SNTG2: variants seen among roughly 807,000 people sequenced by gnomAD.
SNTG2 encodes syntrophin gamma 2.
A neutral mutation model predicts 70.9 loss-of-function variants in SNTG2; 74 were observed. The ratio of observed to expected loss-of-function variants is 1.04; its 90% CI spans 0.86 to 1.27. The LOEUF (loss-of-function observed/expected upper bound fraction) is 1.27, where lower values mean the gene tolerates loss of function less well. Among genes scored for constraint, SNTG2 ranks in the 50% most tolerant of loss-of-function variants. The pLI is 0.00. For missense variants in SNTG2, 717 were observed against 690.7 expected (o/e 1.04, Z -0.43); for synonymous variants, 278 against 273.8 (o/e 1.02, Z -0.15).
rs575771358 is a variant in SNTG2 at position 1,219,957 on chromosome 2, A to G, written c.719+10727A>G. 3 of 152,350 alleles carry G rather than the reference A, an allele frequency of 2.0e-5. No individual in the cohort carries two copies. The South Asian group carries it at 6.2e-4, about 32-fold the overall frequency. 9.4% of individuals were successfully genotyped at this position (152,350 alleles called of 1,614,324 possible). ...TAATGGAAACAGACCTACTACAGATAAGCAGATTTTGAAAAGTGATACTGC... is the reference window on the plus strand; with the variant it reads ...TAATGGAAACAGACCTACTACAGATGAGCAGATTTTGAAAAGTGATACTGC... On this transcript the variant is annotated intron_variant, in intron 9 of 16. Coordinates refer to ENST00000308624, the MANE Select transcript of SNTG2 (RefSeq NM_018968.4).
chr2:1,053,966 C>CA (rs1662226051), intron 1 of SNTG2, among the ~76,000 whole-genome samples: 1 of 148,204 alleles, frequency 6.7e-6, no homozygotes, highest in Non-Finnish European at 1.5e-5. Flanking sequence ...TGGGAGACCT[C>CA]GTGTTCCCTC....
intron 1 of SNTG2, among the ~76,000 whole-genome samples, chr2:1,003,717 T>A (rs577722345): frequency 1.3e-5 from 2 of 152,338 alleles, no homozygotes; most frequent in East Asian, 3.9e-4. Context: ...GGAGCTGCTG[T>A]GACGATCTAT....
chr2:1,194,749 T>C (rs1167959095), intron 8 of SNTG2, among the ~76,000 whole-genome samples: 1 of 152,152 alleles, frequency 6.6e-6, no homozygotes, highest in Non-Finnish European at 1.5e-5. Context: ...TTATTATACT[T>C]TAAGTTCTGG....
chr2:1,020,768 ATGAGC>A (rs1210453634), intron 1 of SNTG2, among the ~76,000 whole-genome samples: 5 of 152,176 alleles, frequency 3.3e-5, no homozygotes, highest in African/African-American at 1.2e-4. Context: ...CCCATTATTC[ATGAGC>A]TGAGTTTTTC....
At chr2:987,100 C>A (rs929434472) in intron 1 of SNTG2, among the ~76,000 whole-genome samples, 32 of 152,326 alleles carry the variant, frequency 2.1e-4, no homozygotes, top group African/African-American at 7.2e-4. Context: ...AGGTGGTTGC[C>A]ATCTGCCTGG....
intron 4 of SNTG2, among the ~76,000 whole-genome samples, chr2:1,104,132 G>T (rs562213781): frequency 1.0e-3 from 159 of 152,314 alleles, no homozygotes; most frequent in African/African-American, 3.8e-3. Flanking sequence ...CATGCAAATG[G>T]CAGAGCCGGG....
intron 11 of SNTG2, among the ~76,000 whole-genome samples, chr2:1,244,856 G>C (rs1266274600): frequency 3.3e-5 from 5 of 152,026 alleles, no homozygotes; most frequent in Non-Finnish European, 5.9e-5. Flanking sequence ...TTTGCCTGCT[G>C]CAGTTATCCA....
chr2:1,324,909 A>G (rs1681698580), intron 16 of SNTG2, among the ~76,000 whole-genome samples: 1 of 152,212 alleles, frequency 6.6e-6, no homozygotes, highest in Non-Finnish European at 1.5e-5. Context: ...TGCTGGTAGT[A>G]TCTGTATGAA....
intron 4 of SNTG2, among the ~76,000 whole-genome samples, chr2:1,106,121 G>A (rs866128726): frequency 5.6e-5 from 7 of 125,908 alleles, no homozygotes; most frequent in East Asian, 2.4e-4. Flanking sequence ...CTTGGTAATA[G>A]TGGACACCTG....
At chr2:1,214,448 C>A (rs55797961) in intron 9 of SNTG2, among the ~76,000 whole-genome samples, 27,593 of 151,986 alleles carry the variant, frequency 0.18, 4,965 homozygotes, top group African/African-American at 0.47. Context: ...TTTCATTGTA[C>A]AGATCTTTCA....
intron 9 of SNTG2, among the ~76,000 whole-genome samples, chr2:1,228,512 A>G (rs1675955986): frequency 6.6e-6 from 1 of 152,156 alleles, no homozygotes; most frequent in Non-Finnish European, 1.5e-5. Flanking sequence ...TCCTTTTATC[A>G]ACAGATCTCA....
At chr2:1,164,749 C>T (rs1484527321) in intron 6 of SNTG2, among the ~76,000 whole-genome samples, 1 of 151,534 alleles carries the variant, frequency 6.6e-6, no homozygotes, top group East Asian at 2.0e-4. Context: ...ATATACCTGG[C>T]CTAGGAGGAT....
intron 9 of SNTG2, among the ~76,000 whole-genome samples, chr2:1,229,868 C>T (rs557497509): frequency 5.9e-5 from 9 of 152,352 alleles, no homozygotes; most frequent in Admixed American, 2.0e-4. Context: ...TGCCCGAGGC[C>T]GGCAGGGCCG....
intron 16 of SNTG2, among the ~76,000 whole-genome samples, chr2:1,342,096 T>A (rs1486536707): frequency 6.6e-6 from 1 of 152,212 alleles, no homozygotes; most frequent in Non-Finnish European, 1.5e-5. Flanking sequence ...CCTTTAATAT[T>A]TAAAACCTTC....
At chr2:1,282,378 T>C (rs1294734001) in intron 14 of SNTG2, among the ~76,000 whole-genome samples, 1 of 152,242 alleles carries the variant, frequency 6.6e-6, no homozygotes, top group Non-Finnish European at 1.5e-5. Context: ...TTGGAATTTA[T>C]TTTGCATTTA....
chr2:1,366,099 T>C (rs541696320), intron 16 of SNTG2, among the ~76,000 whole-genome samples: 1 of 152,314 alleles, frequency 6.6e-6, no homozygotes, highest in African/African-American at 2.4e-5. Context: ...TCTGGTGTCA[T>C]CTCAGCAGTT....
In SNTG2 at chr2:1,221,943, CTG is replaced by C. The variant is rs1310999848; in HGVS notation, c.719+12715_719+12716del. ...TCTCTCTGTCTCTCTCTGTCTCTGT[CTG>C]TCTCTGTCTCTGTCTCTCTCTGTCT... is the stretch of plus-strand genomic sequence containing the variant. On this transcript the variant is annotated intron_variant, in intron 9 of 16. Coordinates refer to ENST00000308624, the MANE Select transcript of SNTG2 (RefSeq NM_018968.4). Among the ~76,000 whole-genome samples the C allele has an allele frequency of 1.2e-4, 4 of 34,016 alleles. 2 individuals are homozygous for C. Among genetic ancestry groups the C allele is most frequent in the African/African-American group, 7.7e-4 (4 of 5,180 alleles). 22.3% of individuals were successfully genotyped at this position (34,016 alleles called of 152,430 possible).
intron 4 of SNTG2, among the ~76,000 whole-genome samples, chr2:1,118,647 C>T (rs1667189085): frequency 7.0e-6 from 1 of 143,000 alleles, no homozygotes; most frequent in African/African-American, 2.6e-5. Context: ...CAATAGCAGA[C>T]CTAGATTAAG....
chr2:1,083,545 G>A lies in SNTG2; in HGVS notation c.100G>A (p.Asp34Asn). ...GAAAACCACTATTGCTCTGTTGTAT[G>A]ATGAAGAGTCCGAAAATGCCTATGA... Reference protein sequence around the residue: ...RTKTTIALLYDEESENAYDIR... With the variant: ...RTKTTIALLYNEESENAYDIR... The change falls in exon 2 of 17, where the codon GAT (aspartate) becomes AAT (asparagine). Residue 34 changes from aspartate to asparagine, a missense_variant. Transcript: ENST00000308624. The A allele has an allele frequency of 6.2e-7, 1 of 1,613,720 alleles. No homozygotes were observed. The highest frequency in any genetic ancestry group is 1.1e-5 in the South Asian group (1 of 91,066).
Sources: allele counts gnomAD v4.1 joint callset (sites outside exome capture counted in the v4.1 genomes callset), GRCh38; gene constraint gnomAD v4.1.1; transcripts MANE v1.5; gene names NCBI Gene and HGNC (gene_info 2026-07-23, HGNC 2026-07-21).